Variants in MTFR1 observed in about 807,000 individuals in gnomAD.
MTFR1 encodes mitochondrial fission regulator 1.
Under a neutral mutation model 38.8 loss-of-function variants are expected in MTFR1, and 28 were observed. That is an observed-to-expected ratio of 0.72 (90% confidence interval 0.53 to 0.99). The LOEUF is 0.99. MTFR1 is among the 50% of genes least tolerant of loss of function. MTFR1 has a pLI of 0.00. For missense variants in MTFR1, 358 were observed against 395.5 expected, an observed-to-expected ratio of 0.91 and a Z score of 0.81; for synonymous variants, 145 against 137.0, an observed-to-expected ratio of 1.06 and a Z score of -0.41.
chr8:65,669,140 C>T (rs746523267), intron 1 of MTFR1, among the ~76,000 whole-genome samples: 3 of 152,168 alleles, frequency 2.0e-5, no homozygotes, highest in Admixed American at 6.5e-5. Context: ...CAGGTACTTG[C>T]TTTGTCAGCC....
chr8:65,778,452 T>C, the MTFR1 span, among the ~76,000 whole-genome samples: 25 of 152,110 alleles, frequency 1.6e-4, no homozygotes, highest in Non-Finnish European at 3.2e-4. Flanking sequence ...AGTGTCACCA[T>C]CCCAGCCATT....
At chr8:65,705,781 A>G (rs1022881753) in intron 5 of MTFR1, among the ~76,000 whole-genome samples, 5 of 152,254 alleles carry the variant, frequency 3.3e-5, no homozygotes, top group Admixed American at 6.5e-5. Flanking sequence ...CCTTTAACAC[A>G]AAGCAGCTAT....
At chr8:65,669,117 T>G (rs1289670123) in intron 1 of MTFR1, among the ~76,000 whole-genome samples, 1 of 152,232 alleles carries the variant, frequency 6.6e-6, no homozygotes, top group Non-Finnish European at 1.5e-5. Flanking sequence ...CTTAACCTGC[T>G]TGTTACAATA....
Position 65,707,107 on chromosome 8 carries a change from A to G in MTFR1, c.615A>G (p.Thr205=). 1 of 1,613,564 alleles carries G rather than the reference A, an allele frequency of 6.2e-7. No homozygotes were observed. Among genetic ancestry groups the G allele is most frequent in the African/African-American group, 1.3e-5 (1 of 74,878 alleles). Reference sequence around the variant, plus strand: ...CTGCACTGGGGCTCCACCAAAGTACATCTGCTGTTGATCTGATTAAAGAAC... The same window carrying G: ...CTGCACTGGGGCTCCACCAAAGTACGTCTGCTGTTGATCTGATTAAAGAAC... The part of the protein sequence containing the change: ...PPPALGLHQS[T]SAVDLIKERR... The change falls in exon 6 of 8, where the codon ACA becomes ACG. Residue 205 remains threonine, a synonymous_variant. Transcript: ENST00000262146.
chr8:65,692,510 T>C (rs560931209), intron 3 of MTFR1, among the ~76,000 whole-genome samples: 177 of 152,258 alleles, frequency 1.2e-3, no homozygotes, highest in African/African-American at 4.0e-3. Context: ...GCTAATTTTT[T>C]TGTATTTTCA....
At chr8:65,694,685 A>T (rs1216470357) in intron 4 of MTFR1, among the ~76,000 whole-genome samples, 9 of 152,182 alleles carry the variant, frequency 5.9e-5, no homozygotes, top group Admixed American at 5.2e-4. Context: ...TCAAAAGGAG[A>T]TTAAGAAGGA....
At chr8:65,706,266 AGATAATTTT>A (rs761148040) in intron 5 of MTFR1, among the ~76,000 whole-genome samples, 1 of 152,218 alleles carries the variant, frequency 6.6e-6, no homozygotes. Flanking sequence ...TACCATAAAT[AGATAATTTT>A]GAAGCTCTAT....
At chr8:65,658,515 T>C (rs1809327043) in intron 1 of MTFR1, among the ~76,000 whole-genome samples, 1 of 152,218 alleles carries the variant, frequency 6.6e-6, no homozygotes, top group Non-Finnish European at 1.5e-5. Context: ...TAATTTGCTA[T>C]TTCTTATACT....
intron 3 of MTFR1, among the ~76,000 whole-genome samples, chr8:65,688,737 G>A (rs1261378025): frequency 6.6e-6 from 1 of 151,660 alleles, no homozygotes; most frequent in Non-Finnish European, 1.5e-5. Context: ...AAGCCACCGC[G>A]CCCAGCCTGC....
At chr8:65,672,976 C>G (rs766394523) in intron 2 of MTFR1, among the ~76,000 whole-genome samples, 5 of 152,200 alleles carry the variant, frequency 3.3e-5, no homozygotes, top group Non-Finnish European at 7.3e-5. Context: ...CATGTGTTCA[C>G]TGTAGTAGCA....
At chr8:65,678,441 T>G (rs1804779868) in intron 2 of MTFR1, among the ~76,000 whole-genome samples, 1 of 152,214 alleles carries the variant, frequency 6.6e-6, no homozygotes, top group South Asian at 2.1e-4. Context: ...GACCCTTATT[T>G]GATATTTATT....
In MTFR1 at chr8:65,750,496, GTGTGTGTC is replaced by G. The variant is rs779197924; in HGVS notation, c.*49-20443_*49-20436del. Among the ~76,000 whole-genome samples, 978 of 144,628 alleles carry G rather than the reference GTGTGTGTC, an allele frequency of 6.8e-3. 10 individuals are homozygous for G. Among genetic ancestry groups the G allele is most frequent in the South Asian group, 0.028 (133 of 4,730 alleles). 94.9% of individuals were successfully genotyped at this position (144,628 alleles called of 152,430 possible). ...TCACTGTGTGTGTGTGTGTGTGTGT[GTGTGTGTC>G]TGTGTGTGTCTGTGTGTGTGTGAGA... On this transcript the variant is annotated intron_variant, in intron 3 of 3. Transcript: ENST00000521247.
At chr8:65,774,656 AATAT>A (rs1365135067), downstream of MTFR1, among the ~76,000 whole-genome samples, 1 of 151,572 alleles carries the variant, frequency 6.6e-6, no homozygotes, top group Non-Finnish European at 1.5e-5. Flanking sequence ...TTAATTTAAA[AATAT>A]ATAAAACAAA....
chr8:65,776,702 C>T, the MTFR1 span, among the ~76,000 whole-genome samples: 2 of 152,136 alleles, frequency 1.3e-5, no homozygotes, highest in Non-Finnish European at 2.9e-5. Flanking sequence ...GTCACTGTTA[C>T]TTTACAGAAC....
At chr8:65,776,122 T>C (rs1809252900), downstream of MTFR1, among the ~76,000 whole-genome samples, 1 of 152,208 alleles carries the variant, frequency 6.6e-6, no homozygotes, top group Non-Finnish European at 1.5e-5. Context: ...TTGGCAAAGT[T>C]AATCAACCAA....
chr8:65,748,096 TG>T (rs982032364), intron 3 of MTFR1, among the ~76,000 whole-genome samples: 19 of 147,672 alleles, frequency 1.3e-4, no homozygotes, highest in Admixed American at 1.0e-3. Context: ...AATCACGGTT[TG>T]TTTTTTTTTT....
chr8:65,762,590 G>C (rs1296898713), intron 3 of MTFR1, among the ~76,000 whole-genome samples: 2 of 152,088 alleles, frequency 1.3e-5, no homozygotes, highest in Non-Finnish European at 2.9e-5. Context: ...CCACAAGACT[G>C]TTAAAGATTA....
rs1423187052 is a variant in MTFR1, at chr8:65,704,767, T to A, written c.355T>A (p.Ser119Thr). 1.9e-6 allele frequency: 3 copies of A among 1,614,062 alleles called. No homozygotes were observed. The highest frequency in any genetic ancestry group is 3.3e-5 in the Admixed American group (2 of 60,006). The change falls in exon 5 of 8, where the codon TCC becomes ACC. Residue 119 changes from serine to threonine, a missense_variant. By Grantham distance (58) the Ser-to-Thr change is moderately conservative. Coordinates refer to ENST00000262146, the MANE Select transcript of MTFR1 (RefSeq NM_014637.4). ...TGAGAAGGCCCCAAGCAGACAGATT[T>A]CCTTACCAGACTTGTCTCAAGAAGA... ...FFEKAPSRQI[S>T]LPDLSQEEPQ... is the part of the protein sequence containing the mutation.
intron 3 of MTFR1, among the ~76,000 whole-genome samples, chr8:65,732,147 C>T (rs572337526): frequency 2.2e-3 from 335 of 151,908 alleles, no homozygotes; most frequent in African/African-American, 7.6e-3. Context: ...TACAGGCACC[C>T]GCCACCATGC....
Sources: gnomAD v4.1 joint callset for allele counts (sites outside exome capture counted in the v4.1 genomes callset) on GRCh38, gnomAD v4.1.1 for gene constraint, MANE v1.5 for transcripts, NCBI Gene and HGNC (gene_info 2026-07-23, HGNC 2026-07-21) for gene names.